Variants in NRG3 observed in about 807,000 individuals in gnomAD.
The protein encoded by NRG3 is pro-neuregulin-3, membrane-bound isoform.
In NRG3, 31 loss-of-function variants were observed where a neutral mutation model predicts 66.9. The ratio of observed to expected loss-of-function variants is 0.46; its 90% confidence interval spans 0.35 to 0.63. NRG3 has a LOEUF of 0.63. Among genes scored for constraint, NRG3 ranks in the 20% least tolerant of loss-of-function variants. NRG3 has a pLI of 0.00. For synonymous variants in NRG3, 393 were observed against 359.4 expected, an observed-to-expected ratio of 1.09 and a Z score of -1.06; for missense variants, 910 against 878.9, an observed-to-expected ratio of 1.04 and a Z score of -0.45.
Position 81,885,992 on chromosome 10 carries a change from G to T in NRG3, c.823+9829G>T, listed in dbSNP as rs112587937. ...TTTCAGTATGATACTCTCTGTTTCT[G>T]GATTAAAAAACTAACACATTTCGGG... On this transcript the variant is annotated intron_variant, in intron 1 of 8. Transcript: ENST00000372141. 7.5e-3 allele frequency among the ~76,000 whole-genome samples: 1,143 copies of T among 152,088 alleles called. 14 individuals are homozygous for T. Among genetic ancestry groups the T allele is most frequent in the African/African-American group, 0.027 (1,100 of 41,484 alleles).
intron 2 of NRG3, among the ~76,000 whole-genome samples, chr10:82,419,949 G>T (rs990538531): frequency 6.6e-6 from 1 of 152,080 alleles, no homozygotes; most frequent in African/African-American, 2.4e-5. Context: ...AGGATGTATT[G>T]GTCTATATTG....
chr10:82,388,329 G>A lies in NRG3; in HGVS notation c.953+29461G>A, dbSNP rs78728728. On this transcript the variant is annotated intron_variant, in intron 2 of 8. Coordinates refer to ENST00000372141, the MANE Select transcript of NRG3 (RefSeq NM_001010848.4). ...ACCAAGGTAAAATGTAACTATTTAC[G>A]TAAAAAGAGAATGTATTTGCTTGTG... Among the ~76,000 whole-genome samples the A allele has an allele frequency of 7.3e-3, 1,114 of 152,212 alleles. 10 individuals carry two copies. Among genetic ancestry groups the A allele is most frequent in the African/African-American group, 0.021 (891 of 41,542 alleles).
At chr10:82,843,775 A>G (rs964755162) in intron 3 of NRG3, among the ~76,000 whole-genome samples, 2 of 152,296 alleles carry the variant, frequency 1.3e-5, no homozygotes, top group Admixed American at 1.3e-4. Flanking sequence ...CATAAAGTTA[A>G]AAAGTAGCAA....
rs2067967332 is a variant in NRG3 at position 82,119,757 on chromosome 10, T to C, written c.824-238982T>C. 2.0e-5 allele frequency among the ~76,000 whole-genome samples: 3 copies of C among 152,312 alleles called. No individual in the cohort carries two copies. The South Asian group carries it at 6.2e-4, about 32-fold the overall frequency. ...TTTTGACTTGTTATCAGCTTGACTC[T>C]CTTATTGATAAAGTGGCACCATGTT... On this transcript the variant is annotated intron_variant, in intron 1 of 8. Coordinates refer to ENST00000372141, the MANE Select transcript of NRG3 (RefSeq NM_001010848.4).
chr10:82,538,617 T>C (rs1425370085), intron 2 of NRG3, among the ~76,000 whole-genome samples: 1 of 151,978 alleles, frequency 6.6e-6, no homozygotes, highest in Non-Finnish European at 1.5e-5. Flanking sequence ...AAACCCTAAC[T>C]CTACAACAGT....
chr10:82,439,241 A>G (rs968690207), intron 2 of NRG3, among the ~76,000 whole-genome samples: 1 of 152,136 alleles, frequency 6.6e-6, no homozygotes, highest in Admixed American at 6.6e-5. Context: ...ATTTTGTTTG[A>G]AATTGTATTA....
intron 1 of NRG3, among the ~76,000 whole-genome samples, chr10:82,188,163 C>G (rs530198316): frequency 2.0e-5 from 3 of 152,144 alleles, no homozygotes; most frequent in Non-Finnish European, 2.9e-5. Context: ...ATACACACAC[C>G]TACAGTATAC....
chr10:82,189,464 T>C (rs1355991248), intron 1 of NRG3, among the ~76,000 whole-genome samples: 2 of 151,780 alleles, frequency 1.3e-5, no homozygotes, highest in African/African-American at 4.8e-5. Context: ...CAAACCAGCC[T>C]GGCCAACATG....
intron 2 of NRG3, among the ~76,000 whole-genome samples, chr10:82,452,983 C>G (rs1482288960): frequency 6.6e-6 from 1 of 152,074 alleles, no homozygotes; most frequent in Non-Finnish European, 1.5e-5. Flanking sequence ...GTCCCTGGCT[C>G]AGGGGATGCC....
chr10:82,594,903 A>G (rs185425422), intron 2 of NRG3, among the ~76,000 whole-genome samples: 2 of 152,154 alleles, frequency 1.3e-5, no homozygotes, highest in African/African-American at 4.8e-5. Context: ...AAAAATCTGC[A>G]TTTGATGTCT....
At chr10:82,091,366 C>T (rs2066018063) in intron 1 of NRG3, among the ~76,000 whole-genome samples, 1 of 152,138 alleles carries the variant, frequency 6.6e-6, no homozygotes, top group African/African-American at 2.4e-5. Flanking sequence ...ATTGTACTTT[C>T]TGTCTCTATG....
intron 3 of NRG3, among the ~76,000 whole-genome samples, chr10:82,863,647 T>C (rs1052637564): frequency 6.6e-6 from 1 of 152,200 alleles, no homozygotes; most frequent in African/African-American, 2.4e-5. Flanking sequence ...TTTGGTGGCA[T>C]AAATGTCTTC....
intron 1 of NRG3, among the ~76,000 whole-genome samples, chr10:82,128,914 C>T (rs757309562): frequency 6.6e-5 from 10 of 151,868 alleles, no homozygotes; most frequent in South Asian, 2.1e-4. Context: ...CTTGAGATTT[C>T]GGTACCCTAA....
intron 4 of NRG3, among the ~76,000 whole-genome samples, chr10:82,885,660 G>T (rs1842660021): frequency 2.0e-5 from 3 of 152,156 alleles, no homozygotes; most frequent in Non-Finnish European, 4.4e-5. Context: ...AATCACTGTG[G>T]CTTTCAGGGT....
At chr10:82,338,801 T>A (rs1463149715) in intron 1 of NRG3, among the ~76,000 whole-genome samples, 4 of 152,210 alleles carry the variant, frequency 2.6e-5, no homozygotes, top group Non-Finnish European at 5.9e-5. Flanking sequence ...TATATTCACC[T>A]TATTCATGTT....
intron 1 of NRG3, chr10:82,230,494 T>C (rs2076402147): frequency 6.6e-6 from 1 of 151,918 alleles, no homozygotes; most frequent in South Asian, 2.1e-4. Context: ...CCCATGTTCC[T>C]AGACTCAGTG....
chr10:82,439,992 T>C (rs976514006), intron 2 of NRG3, among the ~76,000 whole-genome samples: 1 of 152,114 alleles, frequency 6.6e-6, no homozygotes, highest in Non-Finnish European at 1.5e-5. Flanking sequence ...TGTACGTTAT[T>C]CAGCTGTTTA....
chr10:82,015,018 G>T (rs1013847578), intron 1 of NRG3, among the ~76,000 whole-genome samples: 1 of 152,156 alleles, frequency 6.6e-6, no homozygotes, highest in Non-Finnish European at 1.5e-5. Flanking sequence ...AGCGGGAAAT[G>T]TAGGAATTTG....
chr10:82,790,000 T>C (rs2060521491), intron 3 of NRG3, among the ~76,000 whole-genome samples: 1 of 152,092 alleles, frequency 6.6e-6, no homozygotes, highest in African/African-American at 2.4e-5. Context: ...CATGGATAGT[T>C]CCATTTTCTC....
Sources: gnomAD v4.1 joint callset for allele counts (sites outside exome capture counted in the v4.1 genomes callset) on GRCh38, gnomAD v4.1.1 for gene constraint, MANE v1.5 for transcripts, NCBI Gene and HGNC (gene_info 2026-07-23, HGNC 2026-07-21) for gene names.